HSPB9: variants seen among roughly 807,000 people sequenced by gnomAD.
HSPB9 encodes heat shock protein beta-9.
For synonymous variants in HSPB9, 98 were observed against 92.7 expected, an observed-to-expected ratio of 1.06 and a Z score of -0.33; for missense variants, 203 against 213.4, an observed-to-expected ratio of 0.95 and a Z score of 0.30.
Position 42,122,998 on chromosome 17 carries a change from G to A in HSPB9, c.148G>A (p.Ala50Thr), listed in dbSNP as rs1218800771. ...SPAAQEDNDH[A>T]RDGFQMKLDA... ...AGCGGCTCAGGAGGACAATGACCAT[G>A]CCAGAGACGGTTTCCAAATGAAGCT... The change falls in exon 1 of 1, where the codon GCC becomes ACC. Residue 50 changes from alanine to threonine, a missense_variant. By Grantham distance (58) the Ala-to-Thr change is moderately conservative (BLOSUM62 0). Transcript: ENST00000565659. 2 of 1,614,202 alleles carry A rather than the reference G, an allele frequency of 1.2e-6. No homozygotes were observed. Among genetic ancestry groups the A allele is most frequent in the Non-Finnish European group, 1.7e-6 (2 of 1,180,054 alleles).
At position 42,123,111 on chromosome 17, in the gene HSPB9, C is replaced by G. The variant is rs2054375528; in HGVS notation, c.261C>G (p.Val87=). The G allele has an allele frequency of 6.2e-7, 1 of 1,614,066 alleles. No individual in the cohort carries two copies. ...LMVTGQQQLD[V]RDPERVSYRM... Reference sequence around the variant, plus strand: ...TGACCGGACAGCAGCAACTGGACGTCAGGGACCCGGAAAGGGTCAGTTACC... The same window carrying G: ...TGACCGGACAGCAGCAACTGGACGTGAGGGACCCGGAAAGGGTCAGTTACC... Residue 87 remains valine (V), a synonymous_variant, in exon 1 of 1, where the codon GTC becomes GTG. Transcript: ENST00000565659.
At position 42,123,168 on chromosome 17, in the gene HSPB9, C is replaced by A. The variant is rs12948434; in HGVS notation, c.318C>A (p.Leu106=). The change falls in exon 1 of 1, where the codon CTC becomes CTA. Residue 106 remains leucine (L), a synonymous_variant. Transcript: ENST00000565659. ...CACAGAAGGTGCACCGGAAAATGCT[C>A]CCGTCCAACCTGAGTCCTACCGCCA... is the stretch of plus-strand genomic sequence containing the variant. The part of the protein sequence containing the change: ...RMSQKVHRKM[L]PSNLSPTAMT... 1.1e-3 allele frequency: 1,762 copies of A among 1,614,100 alleles called. 15 individuals are homozygous for A. In the African/African-American group the frequency reaches 0.021, roughly 19 times the overall value.
In HSPB9 at chr17:42,123,081, G is replaced by C. The variant is rs2054375005; in HGVS notation, c.231G>C (p.Leu77=). 2 of 1,614,106 alleles carry C rather than the reference G, an allele frequency of 1.2e-6. No homozygotes were observed. The highest frequency in any genetic ancestry group is 1.7e-6 in the Non-Finnish European group (2 of 1,180,020). The change falls in exon 1 of 1, where the codon CTG becomes CTC. Residue 77 remains leucine, a synonymous_variant. Coordinates refer to ENST00000565659, the MANE Select transcript of HSPB9 (RefSeq NM_033194.3). ...ELVVQVDGQW[L]MVTGQQQLDV... ...TGGTGCAGGTGGATGGCCAATGGCT[G>C]ATGGTGACCGGACAGCAGCAACTGG...
rs1248762844 is a variant in HSPB9 at position 42,123,291 on chromosome 17, C to T, written c.441C>T (p.Leu147=). The change falls in exon 1 of 1, where the codon CTC becomes CTT. Residue 147 remains leucine, a synonymous_variant. Coordinates refer to ENST00000565659, the MANE Select transcript of HSPB9 (RefSeq NM_033194.3). ...PEAQTGPSPR[L]GSLGSKASNL... ...CCCAAACAGGACCGTCCCCGAGACT[C>T]GGGAGCCTCGGCTCTAAGGCTTCCA... The T allele has an allele frequency of 6.2e-7, 1 of 1,610,012 alleles. No homozygotes were observed. The highest frequency in any genetic ancestry group is 1.3e-5 in the African/African-American group (1 of 74,872).
Position 42,122,846 on chromosome 17 carries a change from C to T in HSPB9, c.-5C>T. The T allele has an allele frequency of 6.2e-7, 1 of 1,602,622 alleles. No individual in the cohort carries two copies. Among genetic ancestry groups the T allele is most frequent in the Non-Finnish European group, 8.5e-7 (1 of 1,172,322 alleles). Reference sequence around the variant, plus strand: ...CCCTTTGACAGCAGTTAGTTGCTGACTCGGATGCAGAGAGTCGGTAACACC... The same window carrying T: ...CCCTTTGACAGCAGTTAGTTGCTGATTCGGATGCAGAGAGTCGGTAACACC... On this transcript the variant is annotated 5_prime_UTR_variant, in exon 1 of 1. Coordinates refer to ENST00000565659, the MANE Select transcript of HSPB9 (RefSeq NM_033194.3).
In HSPB9 at chr17:42,122,862, C is replaced by A; in HGVS notation, c.12C>A (p.Val4=). 10 of 1,609,296 alleles carry A rather than the reference C, an allele frequency of 6.2e-6. No homozygotes were observed. The highest frequency in any genetic ancestry group is 8.5e-6 in the Non-Finnish European group (10 of 1,176,804). The change falls in exon 1 of 1, where the codon GTC becomes GTA. Residue 4 remains valine, a synonymous_variant. Transcript: ENST00000565659. The part of the protein sequence containing the change: MQR[V]GNTFSNESRV... The stretch of plus-strand genomic sequence containing the variant: ...AGTTGCTGACTCGGATGCAGAGAGT[C>A]GGTAACACCTTCTCCAACGAGAGCC...
chr17:42,123,214 T>A lies in HSPB9; in HGVS notation c.364T>A (p.Ser122Thr). The A allele has an allele frequency of 6.2e-7, 1 of 1,613,854 alleles. No homozygotes were observed. The highest frequency in any genetic ancestry group is 8.5e-7 in the Non-Finnish European group (1 of 1,180,006). ...CGCCATGACCTGCTGCCTGACCCCC[T>A]CCGGGCAGCTGTGGGTCAGAGGCCA... is the stretch of plus-strand genomic sequence containing the variant. ...PTAMTCCLTP[S>T]GQLWVRGQCV... The change falls in exon 1 of 1, where the codon TCC (serine) becomes ACC (threonine). Residue 122 changes from serine to threonine, a missense_variant. Ser to Thr is a moderately conservative substitution (Grantham distance 58). Coordinates refer to ENST00000565659, the MANE Select transcript of HSPB9 (RefSeq NM_033194.3).
Position 42,123,188 on chromosome 17 carries a change from C to T in HSPB9, c.338C>T (p.Thr113Ile), listed in dbSNP as rs1555667990. ...ATGCTCCCGTCCAACCTGAGTCCTA[C>T]CGCCATGACCTGCTGCCTGACCCCC... ...RKMLPSNLSP[T>I]AMTCCLTPSG... is the part of the protein sequence containing the mutation. The change falls in exon 1 of 1, where the codon ACC becomes ATC. Residue 113 changes from threonine to isoleucine, a missense_variant. Transcript: ENST00000565659. 2.5e-6 allele frequency: 4 copies of T among 1,614,082 alleles called. No homozygotes were observed. The South Asian group carries it at 4.4e-5, about 18-fold the overall frequency.
At chr17:42,122,854 CAG>C in the HSPB9 span, 31 of 1,605,422 alleles carry the variant, frequency 1.9e-5, no homozygotes, top group Admixed American at 1.0e-4. Flanking sequence ...GACTCGGATG[CAG>C]AGAGTCGGTA....
rs1555667869 is a variant in HSPB9, at chr17:42,122,954, G to T, written c.104G>T (p.Arg35Leu). 6.2e-7 allele frequency: 1 copy of T among 1,614,082 alleles called. No homozygotes were observed. The highest frequency in any genetic ancestry group is 1.1e-5 in the South Asian group (1 of 91,086). ...ERNRVATMPVRLLRDSPAAQE... is the reference protein window; with the variant it reads ...ERNRVATMPVLLLRDSPAAQE... The stretch of plus-strand genomic sequence containing the variant: ...AACCGGGTGGCCACAATGCCGGTGC[G>T]GCTGCTCAGGGACAGTCCAGCGGCT... The change falls in exon 1 of 1, where the codon CGG becomes CTG. Residue 35 changes from arginine to leucine, a missense_variant. Arg to Leu is a moderately radical substitution (Grantham distance 102). Transcript: ENST00000565659.
rs2054377933 is a variant in HSPB9 at position 42,123,205 on chromosome 17, C to T, written c.355C>T (p.Leu119=). 2 of 1,613,962 alleles carry T rather than the reference C, an allele frequency of 1.2e-6. No homozygotes were observed. The highest frequency in any genetic ancestry group is 1.3e-5 in the African/African-American group (1 of 74,940). The change falls in exon 1 of 1, where the codon CTG becomes TTG. Residue 119 remains leucine, a synonymous_variant. Coordinates refer to ENST00000565659, the MANE Select transcript of HSPB9 (RefSeq NM_033194.3). ...NLSPTAMTCC[L]TPSGQLWVRG... ...GAGTCCTACCGCCATGACCTGCTGC[C>T]TGACCCCCTCCGGGCAGCTGTGGGT...
rs2054375951 is a variant in HSPB9 at position 42,123,128 on chromosome 17, T to C, written c.278T>C (p.Val93Ala). ...QQLDVRDPER[V>A]SYRMSQKVHR... ...CTGGACGTCAGGGACCCGGAAAGGG[T>C]CAGTTACCGCATGTCACAGAAGGTG... The change falls in exon 1 of 1, where the codon GTC becomes GCC. Residue 93 changes from valine to alanine, a missense_variant. By Grantham distance (64) the Val-to-Ala change is moderately conservative. Coordinates refer to ENST00000565659, the MANE Select transcript of HSPB9 (RefSeq NM_033194.3). 3 of 1,613,700 alleles carry C rather than the reference T, an allele frequency of 1.9e-6. No individual in the cohort carries two copies. The highest frequency in any genetic ancestry group is 1.3e-5 in the African/African-American group (1 of 74,890).
At chr17:42,123,073 C>CA in the HSPB9 span, 1 of 1,614,206 alleles carries the variant, frequency 6.2e-7, no homozygotes, top group Non-Finnish European at 8.5e-7. Context: ...GGTGGATGGC[C>CA]AATGGCTGAT....
chr17:42,122,883 G>A lies in HSPB9; in HGVS notation c.33G>A (p.Glu11=), dbSNP rs782758187. 1.2e-5 allele frequency: 19 copies of A among 1,612,828 alleles called. No homozygotes were observed. Among genetic ancestry groups the A allele is most frequent in the Non-Finnish European group, 1.5e-5 (18 of 1,179,322 alleles). MQRVGNTFSN[E]SRVASRCPSV... ...GAGTCGGTAACACCTTCTCCAACGA[G>A]AGCCGGGTGGCATCCCGGTGTCCCA... Residue 11 remains glutamate (E), a synonymous_variant, in exon 1 of 1, where the codon GAG becomes GAA. Transcript: ENST00000565659.
At position 42,123,217 on chromosome 17, in the gene HSPB9, G is replaced by C; in HGVS notation, c.367G>C (p.Gly123Arg). 1.9e-6 allele frequency: 3 copies of C among 1,613,788 alleles called. No individual in the cohort carries two copies. The South Asian group carries it at 3.3e-5, about 18-fold the overall frequency. ...TAMTCCLTPS[G>R]QLWVRGQCVA... ...CATGACCTGCTGCCTGACCCCCTCCGGGCAGCTGTGGGTCAGAGGCCAGTG... is the reference window on the plus strand; with the variant it reads ...CATGACCTGCTGCCTGACCCCCTCCCGGCAGCTGTGGGTCAGAGGCCAGTG... The change falls in exon 1 of 1, where the codon GGG becomes CGG. Residue 123 changes from glycine to arginine, a missense_variant. By Grantham distance (125) the Gly-to-Arg change is moderately radical. Coordinates refer to ENST00000565659, the MANE Select transcript of HSPB9 (RefSeq NM_033194.3).
At position 42,123,150 on chromosome 17, in the gene HSPB9, G is replaced by T; in HGVS notation, c.300G>T (p.Lys100Asn). The T allele has an allele frequency of 6.2e-7, 1 of 1,614,170 alleles. No individual in the cohort carries two copies. Among genetic ancestry groups the T allele is most frequent in the Non-Finnish European group, 8.5e-7 (1 of 1,180,028 alleles). ...GGGTCAGTTACCGCATGTCACAGAA[G>T]GTGCACCGGAAAATGCTCCCGTCCA... ...PERVSYRMSQ[K>N]VHRKMLPSNL... Residue 100 changes from lysine (K) to asparagine (N), a missense_variant, in exon 1 of 1, where the codon AAG (lysine) becomes AAT (asparagine). By Grantham distance (94) the Lys-to-Asn change is moderately conservative (BLOSUM62 0). Coordinates refer to ENST00000565659, the MANE Select transcript of HSPB9 (RefSeq NM_033194.3).
chr17:42,123,336 C>G lies in HSPB9; in HGVS notation c.*6C>G, dbSNP rs781858773. On this transcript the variant is annotated 3_prime_UTR_variant, in exon 1 of 1. Coordinates refer to ENST00000565659, the MANE Select transcript of HSPB9 (RefSeq NM_033194.3). ...CTTCCAACCTGACCCGGTAAACAAA[C>G]GACGCGATGTGCAGCAGCCTTGGTG... 6.3e-7 allele frequency: 1 copy of G among 1,597,096 alleles called. No individual in the cohort carries two copies. The highest frequency in any genetic ancestry group is 1.7e-5 in the Admixed American group (1 of 59,834).
In HSPB9 at chr17:42,123,092, G is replaced by A. The variant is rs2054375306; in HGVS notation, c.242G>A (p.Gly81Glu). ...QVDGQWLMVT[G>E]QQQLDVRDPE... ...GATGGCCAATGGCTGATGGTGACCG[G>A]ACAGCAGCAACTGGACGTCAGGGAC... The change falls in exon 1 of 1, where the codon GGA (glycine) becomes GAA (glutamate). Residue 81 changes from glycine (G) to glutamate (E), a missense_variant. Gly to Glu is a moderately conservative substitution (Grantham distance 98). Coordinates refer to ENST00000565659, the MANE Select transcript of HSPB9 (RefSeq NM_033194.3). 1 of 1,614,224 alleles carries A rather than the reference G, an allele frequency of 6.2e-7. No individual in the cohort carries two copies. The highest frequency in any genetic ancestry group is 8.5e-7 in the Non-Finnish European group (1 of 1,180,032).
rs782620375 is a variant in HSPB9, at chr17:42,122,948, C to G, written c.98C>G (p.Pro33Arg). The G allele has an allele frequency of 5.6e-6, 9 of 1,613,950 alleles. No individual in the cohort carries two copies. The highest frequency in any genetic ancestry group is 2.2e-5 in the South Asian group (2 of 91,084). The change falls in exon 1 of 1, where the codon CCG becomes CGG. Residue 33 changes from proline to arginine, a missense_variant. Coordinates refer to ENST00000565659, the MANE Select transcript of HSPB9 (RefSeq NM_033194.3). ...GAACGGAACCGGGTGGCCACAATGC[C>G]GGTGCGGCTGCTCAGGGACAGTCCA... is the stretch of plus-strand genomic sequence containing the variant. ...LAERNRVATMPVRLLRDSPAA... is the reference protein window; with the variant it reads ...LAERNRVATMRVRLLRDSPAA...
Sources: allele counts gnomAD v4.1 joint callset, GRCh38; gene constraint gnomAD v4.1.1; transcripts MANE v1.5; gene names NCBI Gene and HGNC (gene_info 2026-07-23, HGNC 2026-07-21).